The following SLC25A13 variants were observed in gnomAD, a reference collection of about 807,000 sequenced individuals.
SLC25A13 encodes the protein electrogenic aspartate/glutamate antiporter SLC25A13, mitochondrial.
SLC25A13 carries 70 observed loss-of-function variants against 85.5 expected under a neutral mutation model. That is an observed-to-expected ratio of 0.82 (90% confidence interval 0.68 to 1.00). The LOEUF (loss-of-function observed/expected upper bound fraction) is 1.00. Ranked by LOEUF, SLC25A13 falls within the 50% of genes least tolerant of loss-of-function variation. The pLI is 0.00. For missense variants in SLC25A13, 765 were observed against 819.8 expected, an observed-to-expected ratio of 0.93 and a Z score of 0.82; for synonymous variants, 259 against 288.7, an observed-to-expected ratio of 0.90 and a Z score of 1.04.
intron 2 of SLC25A13, among the ~76,000 whole-genome samples, chr7:96,293,785 A>T (rs1010080018): frequency 1.6e-4 from 24 of 152,246 alleles, no homozygotes; most frequent in Non-Finnish European, 2.8e-4. Flanking sequence ...AAACAACAGG[A>T]GCTGGAGAGG....
intron 3 of SLC25A13, among the ~76,000 whole-genome samples, chr7:96,254,317 G>C (rs954611291): frequency 6.6e-6 from 1 of 152,154 alleles, no homozygotes; most frequent in African/African-American, 2.4e-5. Flanking sequence ...GAGTGTTAGA[G>C]CTGGAACATG....
intron 4 of SLC25A13, among the ~76,000 whole-genome samples, chr7:96,210,363 A>G (rs1281072535): frequency 6.6e-6 from 1 of 152,234 alleles, no homozygotes; most frequent in Admixed American, 6.5e-5. Flanking sequence ...AAGTGAATCC[A>G]GAATTAGGAT....
At chr7:96,303,320 T>C (rs1051568223) in intron 1 of SLC25A13, among the ~76,000 whole-genome samples, 1 of 151,924 alleles carries the variant, frequency 6.6e-6, no homozygotes, top group African/African-American at 2.4e-5. Context: ...CTCAAAGAGG[T>C]AGCTCATCAA....
At chr7:96,300,949 T>C (rs977326333) in intron 1 of SLC25A13, among the ~76,000 whole-genome samples, 1 of 152,218 alleles carries the variant, frequency 6.6e-6, no homozygotes, top group African/African-American at 2.4e-5. Flanking sequence ...TCTTCTTGTT[T>C]TAAGTGTCAT....
chr7:96,294,645 T>C (rs996847995), intron 2 of SLC25A13, among the ~76,000 whole-genome samples: 2 of 151,460 alleles, frequency 1.3e-5, no homozygotes, highest in African/African-American at 2.4e-5. Context: ...AACTCTACAC[T>C]GTATTTCTGG....
chr7:96,192,562 A>T (rs745494824), intron 6 of SLC25A13, among the ~76,000 whole-genome samples: 1 of 152,116 alleles, frequency 6.6e-6, no homozygotes, highest in Non-Finnish European at 1.5e-5. Context: ...CATGAAACAC[A>T]ACTGCAGGGC....
rs191241190 is a variant in SLC25A13 at position 96,290,420 on chromosome 7, T to C, written c.69+6478A>G. ...ATAAAGACAGGATCAAATTCACACA[T>C]AACAATATTAACCTTAAATGTAAAT... On this transcript the variant is annotated intron_variant, in intron 2 of 17. Coordinates refer to ENST00000265631, the MANE Select transcript of SLC25A13 (RefSeq NM_014251.3). 5.0e-4 allele frequency among the ~76,000 whole-genome samples: 76 copies of C among 152,152 alleles called. 1 individual carries two copies. Among genetic ancestry groups the C allele is most frequent in the African/African-American group, 1.7e-3 (71 of 41,506 alleles).
chr7:96,276,259 C>A (rs966208192), intron 3 of SLC25A13, among the ~76,000 whole-genome samples: 59 of 152,114 alleles, frequency 3.9e-4, no homozygotes, highest in African/African-American at 1.4e-3. Flanking sequence ...AGTTCAGAGT[C>A]CAAAATTCTT....
chr7:96,126,338 T>C (rs76952823), intron 15 of SLC25A13, among the ~76,000 whole-genome samples: 8,255 of 152,230 alleles, frequency 0.054, 737 homozygotes, highest in African/African-American at 0.19. Flanking sequence ...TTCCTGCATC[T>C]GTGGTAGAAG....
At position 96,184,390 on chromosome 7, in the gene SLC25A13, C is replaced by T. The variant is rs398122839; in HGVS notation, c.1064G>A (p.Arg355Gln). ...AVYPIDLVKT[R>Q]MQNQRSTGSF... Reference sequence around the variant, plus strand: ...GCCAGTTGATCGTTGGTTCTGCATTCGAGTTTTTACAAGATCGATAGGATA... The same window carrying T: ...GCCAGTTGATCGTTGGTTCTGCATTTGAGTTTTTACAAGATCGATAGGATA... Residue 355 changes from arginine to glutamine, a missense_variant, in exon 11 of 18, where the codon CGA becomes CAA. Physicochemically the swap from Arg to Gln is conservative, Grantham distance 43 (BLOSUM62 1). Transcript: ENST00000265631. The T allele has an allele frequency of 6.8e-6, 11 of 1,614,062 alleles. No individual in the cohort carries two copies. The East Asian group carries it at 1.6e-4, about 23-fold the overall frequency.
intron 2 of SLC25A13, among the ~76,000 whole-genome samples, chr7:96,294,357 C>G (rs1799256639): frequency 6.6e-6 from 1 of 152,134 alleles, no homozygotes; most frequent in African/African-American, 2.4e-5. Context: ...TGCAGCACAT[C>G]AACATGGCTC....
intron 13 of SLC25A13, among the ~76,000 whole-genome samples, chr7:96,164,065 C>T (rs1169860909): frequency 6.6e-6 from 1 of 152,212 alleles, no homozygotes; most frequent in African/African-American, 2.4e-5. Context: ...AACATCAATG[C>T]CACATCTCCC....
rs138373474 is a variant in SLC25A13 at position 96,171,113 on chromosome 7, T to G, written c.1230+359A>C. On this transcript the variant is annotated intron_variant, in intron 12 of 17. Transcript: ENST00000265631. ...ACACAGGTATGCTACTTAAGCCCGA[T>G]AGGCCTCAGTTTCCTTATCCGTAAA... Among the ~76,000 whole-genome samples, 7 of 152,348 alleles carry G rather than the reference T, an allele frequency of 4.6e-5. No individual in the cohort carries two copies. In the East Asian group the frequency reaches 1.4e-3, roughly 29 times the overall value.
At chr7:96,310,087 C>G (rs73405038) in intron 1 of SLC25A13, among the ~76,000 whole-genome samples, 1 of 152,154 alleles carries the variant, frequency 6.6e-6, no homozygotes, top group Non-Finnish European at 1.5e-5. Flanking sequence ...ACTTCCAGAA[C>G]TGTGAAAAAA....
chr7:96,154,279 A>G lies in SLC25A13; in HGVS notation c.1312-7583T>C, dbSNP rs1455250665. Among the ~76,000 whole-genome samples the G allele has an allele frequency of 2.6e-5, 4 of 151,678 alleles. No individual in the cohort carries two copies. The East Asian group carries it at 7.7e-4, about 29-fold the overall frequency. ...GAAAGATCCAAATACGTAGAGTCACAGAGTCACTGAGTGTCTTTTTTTTTT... is the reference window on the plus strand; with the variant it reads ...GAAAGATCCAAATACGTAGAGTCACGGAGTCACTGAGTGTCTTTTTTTTTT... On this transcript the variant is annotated intron_variant, in intron 13 of 17. Coordinates refer to ENST00000265631, the MANE Select transcript of SLC25A13 (RefSeq NM_014251.3).
intron 13 of SLC25A13, among the ~76,000 whole-genome samples, chr7:96,147,635 G>T (rs933011536): frequency 5.3e-5 from 8 of 152,080 alleles, no homozygotes; most frequent in African/African-American, 1.9e-4. Context: ...GTACTAATTA[G>T]AACTAGCTAC....
At chr7:96,193,741 G>A (rs1327352614) in intron 5 of SLC25A13, among the ~76,000 whole-genome samples, 6 of 152,128 alleles carry the variant, frequency 3.9e-5, no homozygotes, top group Non-Finnish European at 7.3e-5. Flanking sequence ...GAGGGCTGTC[G>A]TGTGTACCCC....
intron 3 of SLC25A13, among the ~76,000 whole-genome samples, chr7:96,245,609 G>C (rs1797159710): frequency 6.6e-6 from 1 of 152,178 alleles, no homozygotes; most frequent in East Asian, 1.9e-4. Flanking sequence ...ACTGAGAGCA[G>C]AATTTAATAA....
At chr7:96,272,606 G>A (rs917931945) in intron 3 of SLC25A13, among the ~76,000 whole-genome samples, 4 of 152,206 alleles carry the variant, frequency 2.6e-5, no homozygotes, top group African/African-American at 9.7e-5. Flanking sequence ...AAAGCAAGGA[G>A]CACCTGAAAG....
Sources: allele counts gnomAD v4.1 joint callset (sites outside exome capture counted in the v4.1 genomes callset), GRCh38; gene constraint gnomAD v4.1.1; transcripts MANE v1.5; gene names NCBI Gene and HGNC (gene_info 2026-07-23, HGNC 2026-07-21).